Variants in RBPJ observed in about 807,000 individuals in gnomAD.
RBPJ encodes recombination signal binding protein for immunoglobulin kappa J region.
A neutral mutation model predicts 67.8 loss-of-function variants in RBPJ; 9 were observed. The observed-to-expected ratio is 0.13, with a 90% confidence interval of 0.08 to 0.23. RBPJ has a LOEUF of 0.23. Among genes scored for constraint, RBPJ ranks in the 10% least tolerant of loss-of-function variants. The pLI is 1.00. For missense variants in RBPJ, 305 were observed against 595.6 expected (o/e 0.51, Z 5.08); for synonymous variants, 198 against 203.3 (o/e 0.97, Z 0.22).
chr4:26,269,976 C>T (rs920794350), intron 1 of RBPJ, among the ~76,000 whole-genome samples: 2 of 151,944 alleles, frequency 1.3e-5, no homozygotes, highest in African/African-American at 2.4e-5. Flanking sequence ...TGGTGTTCCT[C>T]GCCATGGGAA....
At chr4:26,141,325 GCAGGCCAGGGAC>G in the RBPJ span, among the ~76,000 whole-genome samples, 4 of 152,200 alleles carry the variant, frequency 2.6e-5, no homozygotes, top group Non-Finnish European at 5.9e-5. Flanking sequence ...GAATGTAACG[GCAGGCCAGGGAC>G]GAGCCCAGCA....
At chr4:26,122,267 G>A in the RBPJ span, among the ~76,000 whole-genome samples, 1 of 152,130 alleles carries the variant, frequency 6.6e-6, no homozygotes, top group South Asian at 2.1e-4. Context: ...AGCCATATCT[G>A]ATGTGAGTCC....
intron 1 of RBPJ, among the ~76,000 whole-genome samples, chr4:26,227,735 A>T (rs1027683832): frequency 2.0e-5 from 3 of 152,206 alleles, no homozygotes; most frequent in African/African-American, 7.2e-5. Context: ...TGATGTAGAA[A>T]TTCACCAGTG....
Position 26,244,323 on chromosome 4 carries a change from A to ATACACATATGTG in RBPJ, c.-167+80723_-167+80734dup, listed in dbSNP as rs1459466888. ...TGTGTACACATATGTGTGTATATGT[A>ATACACATATGTG]TACACATATGTGTACACATATGTGT... On this transcript the variant is annotated intron_variant, in intron 1 of 4. Transcript: ENST00000512351. Among the ~76,000 whole-genome samples the ATACACATATGTG allele has an allele frequency of 1.2e-4, 17 of 137,540 alleles. 3 individuals carry two copies. Among genetic ancestry groups the ATACACATATGTG allele is most frequent in the East Asian group, 4.0e-4 (2 of 4,982 alleles). The allele number at this position is 137,540 out of a possible 152,430, so 90.2% of individuals were successfully genotyped here. A position where few individuals can be genotyped will look rare whatever the true frequency, so the allele number is the denominator to read the frequency against.
At chr4:26,412,657 C>T (rs1734158522) in intron 3 of RBPJ, among the ~76,000 whole-genome samples, 1 of 152,148 alleles carries the variant, frequency 6.6e-6, no homozygotes, top group South Asian at 2.1e-4. Flanking sequence ...ACAACCTGTA[C>T]TAAAACACAG....
At chr4:26,379,181 T>G (rs760464743) in intron 1 of RBPJ, among the ~76,000 whole-genome samples, 1 of 152,042 alleles carries the variant, frequency 6.6e-6, no homozygotes, top group Non-Finnish European at 1.5e-5. Context: ...TGGGTTTTTT[T>G]GTTTTTGTTT....
At chr4:26,255,706 G>A (rs1411534114) in intron 1 of RBPJ, among the ~76,000 whole-genome samples, 2 of 151,072 alleles carry the variant, frequency 1.3e-5, no homozygotes, top group Admixed American at 6.6e-5. Context: ...GGAGGCTGAG[G>A]CAGGACAATG....
At chr4:26,157,423 ACT>A in the RBPJ span, among the ~76,000 whole-genome samples, 1 of 152,180 alleles carries the variant, frequency 6.6e-6, no homozygotes, top group Admixed American at 6.5e-5. Context: ...ACAAAGCAAG[ACT>A]CTGTCTCTAA....
At chr4:26,318,957 A>T (rs1438334308), upstream of RBPJ, among the ~76,000 whole-genome samples, 2 of 140,900 alleles carry the variant, frequency 1.4e-5, no homozygotes, top group African/African-American at 5.1e-5. Context: ...AGATCGCGCC[A>T]CTGCACTCTA....
chr4:26,325,221 C>T (rs986419830), intron 1 of RBPJ, among the ~76,000 whole-genome samples: 3 of 152,218 alleles, frequency 2.0e-5, no homozygotes, highest in Non-Finnish European at 4.4e-5. Context: ...CCCTTATCCT[C>T]ACTGCCGAAG....
intron 1 of RBPJ, among the ~76,000 whole-genome samples, chr4:26,228,438 G>A (rs1196616474): frequency 6.6e-6 from 1 of 152,114 alleles, no homozygotes; most frequent in Non-Finnish European, 1.5e-5. Flanking sequence ...CAATGTATCT[G>A]TCATTAATAT....
At chr4:26,209,003 T>G (rs974145715) in intron 1 of RBPJ, among the ~76,000 whole-genome samples, 2 of 152,072 alleles carry the variant, frequency 1.3e-5, no homozygotes, top group Non-Finnish European at 2.9e-5. Context: ...CTTATTCATT[T>G]TTTCTTTGTT....
At chr4:26,239,130 C>T (rs184814921) in intron 1 of RBPJ, among the ~76,000 whole-genome samples, 30 of 152,294 alleles carry the variant, frequency 2.0e-4, no homozygotes, top group African/African-American at 7.0e-4. Context: ...GCTCCTCCCT[C>T]CTCAAGCCAG....
In RBPJ at chr4:26,431,714, A is replaced by G. The variant is rs1736253118; in HGVS notation, c.*707A>G. Reference sequence around the variant, plus strand: ...GCCTGCATATTTTTTTTAAGATTATATGAAGTCTGTGCAAAAGCTTTAAAA... The same window carrying G: ...GCCTGCATATTTTTTTTAAGATTATGTGAAGTCTGTGCAAAAGCTTTAAAA... On this transcript the variant is annotated 3_prime_UTR_variant, in exon 11 of 11. Coordinates refer to ENST00000355476, the MANE Select transcript of RBPJ (RefSeq NM_015874.6). 1 of 151,938 alleles carries G rather than the reference A, an allele frequency of 6.6e-6. No homozygotes were observed. The highest frequency in any genetic ancestry group is 6.6e-5 in the Admixed American group (1 of 15,248). The allele number at this position is 151,938 out of a possible 1,614,324, so 9.4% of individuals were successfully genotyped here.
At chr4:26,255,436 A>G (rs1220689493) in intron 1 of RBPJ, among the ~76,000 whole-genome samples, 1 of 147,464 alleles carries the variant, frequency 6.8e-6, no homozygotes, top group East Asian at 2.0e-4. Context: ...AGTAATGTCT[A>G]ATGTGACCCC....
At chr4:26,389,161 G>T (rs1427857538) in intron 2 of RBPJ, among the ~76,000 whole-genome samples, 2 of 151,768 alleles carry the variant, frequency 1.3e-5, no homozygotes, top group Non-Finnish European at 2.9e-5. Flanking sequence ...CCCAGGAGAC[G>T]GAGGTTGCAG....
chr4:26,226,430 G>T (rs1382699430), intron 1 of RBPJ, among the ~76,000 whole-genome samples: 2 of 152,160 alleles, frequency 1.3e-5, no homozygotes, highest in Non-Finnish European at 2.9e-5. Context: ...AGCTGTGATT[G>T]TACTACTGCA....
At chr4:26,194,869 A>G (rs1024805140) in intron 1 of RBPJ, among the ~76,000 whole-genome samples, 3 of 152,120 alleles carry the variant, frequency 2.0e-5, no homozygotes, top group Admixed American at 1.3e-4. Context: ...CCTCCTAACC[A>G]TATCTATGTG....
the RBPJ span, among the ~76,000 whole-genome samples, chr4:26,124,665 T>C: frequency 3.3e-5 from 5 of 151,786 alleles, no homozygotes; most frequent in African/African-American, 4.8e-5. Flanking sequence ...ATCTCCACAC[T>C]TTTTTCCATA....
Sources: allele counts gnomAD v4.1 joint callset (sites outside exome capture counted in the v4.1 genomes callset), GRCh38; gene constraint gnomAD v4.1.1; transcripts MANE v1.5; gene names NCBI Gene and HGNC (gene_info 2026-07-23, HGNC 2026-07-21).